TCHP: variants seen among roughly 807,000 people sequenced by gnomAD.
TCHP encodes trichoplein keratin filament-binding protein.
TCHP carries 81 observed loss-of-function variants against 88.7 expected under a neutral mutation model. The observed-to-expected ratio is 0.91, with a 90% CI of 0.76 to 1.10. The LOEUF is 1.10. TCHP is among the 50% of genes least tolerant of loss of function. The probability of loss-of-function intolerance (pLI) is 0.00; values close to 1 mark genes in which losing one functional copy is unlikely to be tolerated. For missense variants in TCHP, 641 were observed against 632.1 expected (o/e 1.01, Z -0.15); for synonymous variants, 232 against 232.5 (o/e 1.00, Z 0.02).
rs776357065 is a variant in TCHP at position 109,906,658 on chromosome 12, G to C, written c.525+18G>C. 6.9e-6 allele frequency: 11 copies of C among 1,594,964 alleles called. No homozygotes were observed. Among genetic ancestry groups the C allele is most frequent in the Non-Finnish European group, 9.4e-6 (11 of 1,172,386 alleles). ...AAAAACAGGTGTGGTATGTGGCTCT[G>C]GGAATAGCCGCGTATTCTGCTGTGC... On this transcript the variant is annotated intron_variant, in intron 5 of 12. Coordinates refer to ENST00000405876, the MANE Select transcript of TCHP (RefSeq NM_001143852.2).
chr12:109,897,985 A>G (rs1869606199), upstream of TCHP, among the ~76,000 whole-genome samples: 1 of 152,160 alleles, frequency 6.6e-6, no homozygotes, highest in South Asian at 2.1e-4. Context: ...ACACAACATG[A>G]AAGAGTGGCC....
rs1870901165 is a variant in TCHP, at chr12:109,917,850, T to G, written c.*1227T>G. On this transcript the variant is annotated 3_prime_UTR_variant, in exon 13 of 13. Transcript: ENST00000405876. ...GTTCCATGGTTATTAAAAATCAGAG[T>G]TTATTAAAAATCCTGAGTCTTAAGG... is the stretch of plus-strand genomic sequence containing the variant. The G allele has an allele frequency of 1.3e-5, 2 of 152,532 alleles. No homozygotes were observed. The highest frequency in any genetic ancestry group is 1.3e-4 in the Admixed American group (2 of 15,272). The allele number at this position is 152,532 out of a possible 1,614,324, so 9.4% of individuals were successfully genotyped here.
In TCHP at chr12:109,907,645, C is replaced by T. The variant is rs746292087; in HGVS notation, c.645C>T (p.Leu215=). Residue 215 remains leucine, a synonymous_variant, in exon 6 of 13, where the codon CTC becomes CTT. Transcript: ENST00000405876. ...AGAGGAGGCAGCTGGAGGACAAGCT[C>T]CAGGCCGAGGCACTGCTGCAACAGA... ...EEERRQLEDK[L]QAEALLQQME... 2 of 1,613,846 alleles carry T rather than the reference C, an allele frequency of 1.2e-6. No individual in the cohort carries two copies. Among genetic ancestry groups the T allele is most frequent in the South Asian group, 1.1e-5 (1 of 91,070 alleles).
chr12:109,894,848 T>G, the TCHP span, among the ~76,000 whole-genome samples: 1 of 149,418 alleles, frequency 6.7e-6, no homozygotes, highest in Non-Finnish European at 1.5e-5. Context: ...TTCTACTTGT[T>G]GGGTTTAGAG....
intron 11 of TCHP, 39 bp from the exon 12 acceptor site, chr12:109,915,364 G>A (rs1375151608): frequency 6.2e-7 from 1 of 1,613,824 alleles, no homozygotes; most frequent in Non-Finnish European, 8.5e-7. Flanking sequence ...TGCCCTGTGG[G>A]CCTTGTCTTG....
At chr12:109,912,423 G>A (rs1433891250) in intron 9 of TCHP, among the ~76,000 whole-genome samples, 1 of 152,208 alleles carries the variant, frequency 6.6e-6, no homozygotes, top group African/African-American at 2.4e-5. Context: ...TCATCTCTGT[G>A]TTAAACAGCC....
chr12:109,908,113 G>A (rs1870250766), intron 6 of TCHP, among the ~76,000 whole-genome samples: 1 of 149,166 alleles, frequency 6.7e-6, no homozygotes, highest in African/African-American at 2.6e-5. Context: ...TGGAGAACAT[G>A]GCACAGTTTC....
the TCHP span, among the ~76,000 whole-genome samples, chr12:109,883,354 A>G: frequency 6.6e-6 from 1 of 152,182 alleles, no homozygotes; most frequent in African/African-American, 2.4e-5. Flanking sequence ...TTAATCTTTC[A>G]GAGGGCAGGT....
rs61586812 is a variant in TCHP, at chr12:109,905,197, G to T, written c.456+404G>T. 6.6e-6 allele frequency among the ~76,000 whole-genome samples: 1 copy of T among 152,192 alleles called. No homozygotes were observed. On this transcript the variant is annotated intron_variant, in intron 4 of 12. Transcript: ENST00000405876. This position sits in a 1 kb window ranked among gnomAD's most constrained non-coding sequence, Gnocchi z 4.0. ...AGTTCCTGGGGTGGAAGAGTTTGAA[G>T]GGATGTATGTGTGTAGAGGTGAGGA...
the TCHP span, among the ~76,000 whole-genome samples, chr12:109,891,117 C>T: frequency 6.6e-6 from 1 of 152,204 alleles, no homozygotes; most frequent in Non-Finnish European, 1.5e-5. Context: ...AAACAAATCA[C>T]ATTGGAATTT....
chr12:109,910,150 AAAAG>A (rs1389553225), intron 8 of TCHP, among the ~76,000 whole-genome samples: 3 of 152,178 alleles, frequency 2.0e-5, no homozygotes, highest in African/African-American at 7.2e-5. Flanking sequence ...AAAAAACAAA[AAAAG>A]GTCATTATGC....
At chr12:109,899,794 CT>C (rs1291652926), upstream of TCHP, among the ~76,000 whole-genome samples, 2 of 151,962 alleles carry the variant, frequency 1.3e-5, no homozygotes, top group Non-Finnish European at 2.9e-5. Flanking sequence ...TTAAAGGTAT[CT>C]GGATTTTTTC....
the TCHP span, among the ~76,000 whole-genome samples, chr12:109,886,312 AT>A: frequency 1.3e-5 from 2 of 151,890 alleles, no homozygotes; most frequent in Non-Finnish European, 2.9e-5. Flanking sequence ...TAATTTTTGT[AT>A]TTTTAGTAGA....
At chr12:109,882,753 G>C in the TCHP span, among the ~76,000 whole-genome samples, 1 of 150,538 alleles carries the variant, frequency 6.6e-6, no homozygotes, top group African/African-American at 2.4e-5. Flanking sequence ...CGCCTCCCGG[G>C]TTCAGGCAAT....
chr12:109,904,469 C>A (rs1209936597), intron 3 of TCHP, among the ~76,000 whole-genome samples: 1 of 152,160 alleles, frequency 6.6e-6, no homozygotes, highest in Non-Finnish European at 1.5e-5. Flanking sequence ...TGCTTTTCAG[C>A]CTGCTGTATT....
At chr12:109,911,383 A>C (rs1870484312) in intron 9 of TCHP, 148 bp downstream of exon 9, 1 of 506,390 alleles carries the variant, frequency 2.0e-6, no homozygotes, top group Non-Finnish European at 3.5e-6. Context: ...AGGCCGAGGC[A>C]GGTGGATCGC....
At chr12:109,892,264 G>T in the TCHP span, among the ~76,000 whole-genome samples, 1 of 152,160 alleles carries the variant, frequency 6.6e-6, no homozygotes, top group African/African-American at 2.4e-5. Context: ...CAAGTGACCT[G>T]GTCAGAGGGA....
At chr12:109,912,931 T>G (rs1870588903) in intron 9 of TCHP, 60 bp from the exon 10 acceptor site, 2 of 1,462,452 alleles carry the variant, frequency 1.4e-6, no homozygotes, top group Non-Finnish European at 1.9e-6. Flanking sequence ...GTCTGTTCCG[T>G]AGCTCGCTTC....
the TCHP span, among the ~76,000 whole-genome samples, chr12:109,882,241 G>C: frequency 6.6e-6 from 1 of 151,520 alleles, no homozygotes; most frequent in Non-Finnish European, 1.5e-5. Flanking sequence ...GTGTGAGTCT[G>C]GCCAACATGG....
Sources: gnomAD v4.1 joint callset for allele counts (sites outside exome capture counted in the v4.1 genomes callset) on GRCh38, gnomAD v4.1.1 for gene constraint, Gnocchi (gnomAD v3.1) non-coding constraint, MANE v1.5 for transcripts, NCBI Gene and HGNC (gene_info 2026-07-23, HGNC 2026-07-21) for gene names.